The following SGCD variants were observed in gnomAD, a reference collection of about 807,000 sequenced individuals.
SGCD encodes sarcoglycan delta.
Under a neutral mutation model 36.6 loss-of-function variants are expected in SGCD, and 18 were observed. That is an observed-to-expected ratio of 0.49 (90% CI 0.34 to 0.73). The LOEUF (loss-of-function observed/expected upper bound fraction) is 0.73, where lower values mean the gene tolerates loss of function less well. Among genes scored for constraint, SGCD ranks in the 30% least tolerant of loss-of-function variants. The pLI is 0.01. For missense variants in SGCD, 387 were observed against 346.7 expected (o/e 1.12, Z -0.92); for synonymous variants, 133 against 130.6 (o/e 1.02, Z -0.12).
chr5:156,069,240 G>A (rs973820129), intron 1 of SGCD, among the ~76,000 whole-genome samples: 7 of 151,988 alleles, frequency 4.6e-5, no homozygotes, highest in African/African-American at 1.7e-4. Flanking sequence ...TTTCTTCTAG[G>A]GTTTTTATGG....
chr5:156,159,942 A>G (rs1351147436), intron 3 of SGCD, among the ~76,000 whole-genome samples: 1 of 151,566 alleles, frequency 6.6e-6, no homozygotes, highest in Non-Finnish European at 1.5e-5. Flanking sequence ...AAGCTGACAT[A>G]TTTTTCTTAA....
At chr5:155,920,690 T>C (rs1349742866) in intron 1 of SGCD, among the ~76,000 whole-genome samples, 1 of 152,178 alleles carries the variant, frequency 6.6e-6, no homozygotes, top group Non-Finnish European at 1.5e-5. Context: ...TATTTCCATA[T>C]GAACCAGTCC....
chr5:156,410,885 T>C (rs1411466543), intron 3 of SGCD, among the ~76,000 whole-genome samples: 1 of 151,850 alleles, frequency 6.6e-6, no homozygotes, highest in African/African-American at 2.4e-5. Flanking sequence ...CTTCTTCTTC[T>C]CCCTGGACAA....
intron 3 of SGCD, among the ~76,000 whole-genome samples, chr5:156,146,045 C>G (rs532666466): frequency 6.6e-6 from 1 of 151,994 alleles, no homozygotes; most frequent in African/African-American, 2.4e-5. Context: ...AACCCCGTCA[C>G]TACTAAAAAT....
intron 2 of SGCD, among the ~76,000 whole-genome samples, chr5:156,331,459 T>C (rs1164694244): frequency 6.6e-6 from 1 of 152,188 alleles, no homozygotes; most frequent in Non-Finnish European, 1.5e-5. Flanking sequence ...TCAGGATGTG[T>C]AGGAGGATAT....
At chr5:156,348,634 T>C (rs1769071680) in intron 3 of SGCD, among the ~76,000 whole-genome samples, 1 of 152,168 alleles carries the variant, frequency 6.6e-6, no homozygotes, top group Non-Finnish European at 1.5e-5. Flanking sequence ...CATCCCATGC[T>C]CATGAATTGA....
At chr5:155,986,782 A>T (rs1214536718) in intron 1 of SGCD, among the ~76,000 whole-genome samples, 1 of 152,108 alleles carries the variant, frequency 6.6e-6, no homozygotes, top group Non-Finnish European at 1.5e-5. Flanking sequence ...ATCATTGATG[A>T]CTTTAAAGCT....
intron 6 of SGCD, among the ~76,000 whole-genome samples, chr5:156,621,585 A>C (rs987494359): frequency 6.6e-6 from 1 of 152,240 alleles, no homozygotes; most frequent in Non-Finnish European, 1.5e-5. Flanking sequence ...TTAGGAGATT[A>C]GTTTAACCAA....
rs1014497118 is a variant in SGCD, at chr5:156,345,308, C to G, written c.192+631C>G. On this transcript the variant is annotated intron_variant, in intron 3 of 8. Coordinates refer to ENST00000337851, the MANE Select transcript of SGCD (RefSeq NM_000337.6). ...CTTTTGCTATTGGTGTTTGGGGTCC[C>G]TGTACAGACTGGACATTTACTGTTG... Among the ~76,000 whole-genome samples the G allele has an allele frequency of 7.2e-4, 110 of 151,984 alleles. 1 individual carries two copies. The highest frequency in any genetic ancestry group is 2.6e-3 in the African/African-American group (106 of 41,456).
the SGCD span, among the ~76,000 whole-genome samples, chr5:155,827,908 C>T: frequency 7.0e-6 from 1 of 142,480 alleles, no homozygotes; most frequent in African/African-American, 2.6e-5. Context: ...TCAGGCTGGT[C>T]TCGAACTCCC....
In SGCD at chr5:156,344,346, A is replaced by G. The variant is rs8180473; in HGVS notation, c.4-143A>G. ...GAAGTCACTTTTGTCCAGAGGAAAC[A>G]GATTTTTAGAGTTGTCAGAGGGTAT... On this transcript the variant is annotated intron_variant, in intron 2 of 8. Transcript: ENST00000337851. 328,776 of 576,654 alleles carry G rather than the reference A, an allele frequency of 0.57. 97,733 individuals are homozygous for G. Among genetic ancestry groups the G allele is most frequent in the East Asian group, 0.93 (27,786 of 29,838 alleles). 35.7% of individuals were successfully genotyped at this position (576,654 alleles called of 1,614,324 possible). A position where few individuals can be genotyped will look rare whatever the true frequency, so the allele number is the denominator to read the frequency against.
chr5:156,030,320 G>A (rs969672503), intron 1 of SGCD, among the ~76,000 whole-genome samples: 7 of 152,296 alleles, frequency 4.6e-5, no homozygotes, highest in Non-Finnish European at 8.8e-5. Context: ...AGGTCATATT[G>A]GGTAAGAGTG....
At chr5:155,996,906 T>TAGACAGAC (rs1355255873) in intron 1 of SGCD, among the ~76,000 whole-genome samples, 37 of 142,026 alleles carry the variant, frequency 2.6e-4, no homozygotes, top group Non-Finnish European at 4.9e-4. Flanking sequence ...GATAGATAGA[T>TAGACAGAC]AGACAGACAG....
chr5:156,265,863 A>T (rs1441613282), intron 3 of SGCD, among the ~76,000 whole-genome samples: 1 of 152,108 alleles, frequency 6.6e-6, no homozygotes, highest in Admixed American at 6.6e-5. Context: ...TCTGAGGGTA[A>T]TTGCTTGCGA....
chr5:156,262,637 C>T (rs973818758), intron 3 of SGCD, among the ~76,000 whole-genome samples: 3 of 152,004 alleles, frequency 2.0e-5, no homozygotes. Flanking sequence ...CGCTCATCAC[C>T]TGGACAGTAT....
At chr5:156,254,609 G>A (rs986387723) in intron 3 of SGCD, among the ~76,000 whole-genome samples, 1 of 152,208 alleles carries the variant, frequency 6.6e-6, no homozygotes, top group Admixed American at 6.5e-5. Flanking sequence ...AGTGATTTGA[G>A]AGGCTGAGGT....
At chr5:155,842,495 C>T in the SGCD span, among the ~76,000 whole-genome samples, 1 of 151,944 alleles carries the variant, frequency 6.6e-6, no homozygotes, top group Admixed American at 6.6e-5. Context: ...GTTGCTTGAA[C>T]CAGAGAGTCA....
At chr5:156,415,201 A>G (rs1772962635) in intron 3 of SGCD, among the ~76,000 whole-genome samples, 1 of 152,188 alleles carries the variant, frequency 6.6e-6, no homozygotes, top group Non-Finnish European at 1.5e-5. Context: ...TTAAGGAATG[A>G]AAAACTTAAG....
chr5:156,072,298 C>T (rs150622703), intron 1 of SGCD, among the ~76,000 whole-genome samples: 15,041 of 151,840 alleles, frequency 0.099, 1,609 homozygotes, highest in East Asian at 0.46. Context: ...TTAGTGCTTC[C>T]TTCAGGAGCT....
Sources: allele counts gnomAD v4.1 joint callset (sites outside exome capture counted in the v4.1 genomes callset), GRCh38; gene constraint gnomAD v4.1.1; transcripts MANE v1.5; gene names NCBI Gene and HGNC (gene_info 2026-07-23, HGNC 2026-07-21).